Variants in FAM219A observed in about 807,000 individuals in gnomAD.
FAM219A encodes the protein protein FAM219A.
In FAM219A, 7 loss-of-function variants were observed where a neutral mutation model predicts 23.4. That is an observed-to-expected ratio of 0.30 (90% CI 0.17 to 0.56). The LOEUF is 0.56. Among genes scored for constraint, FAM219A ranks in the 20% least tolerant of loss-of-function variants. The pLI, the probability that FAM219A is intolerant of heterozygous loss-of-function variation, is 0.92. For synonymous variants in FAM219A, 93 were observed against 99.0 expected (o/e 0.94, Z 0.36); for missense variants, 166 against 246.9 (o/e 0.67, Z 2.20).
At chr9:34,406,543 C>T (rs1821642467) in intron 1 of FAM219A, 6 of 954,900 alleles carry the variant, frequency 6.3e-6, no homozygotes, top group Non-Finnish European at 5.0e-6. Flanking sequence ...TCACAAATGA[C>T]ACCTAAAGAG....
At chr9:34,436,148 C>T (rs1225811396) in intron 1 of FAM219A, among the ~76,000 whole-genome samples, 2 of 151,748 alleles carry the variant, frequency 1.3e-5, no homozygotes, top group East Asian at 1.9e-4. Flanking sequence ...TATAATGTTG[C>T]AGCTACTAAT....
chr9:34,406,090 G>T, intron 1 of FAM219A, 126 bp from the exon 2 acceptor site: 3 of 1,040,478 alleles, frequency 2.9e-6, no homozygotes, highest in South Asian at 1.7e-5. Flanking sequence ...CTCAGAGCAG[G>T]CAGGGCATTC....
intron 5 of FAM219A, 82 bp from the exon 6 acceptor site, chr9:34,401,204 C>T (rs550685670): frequency 2.1e-5 from 31 of 1,512,016 alleles, no homozygotes; most frequent in South Asian, 3.6e-5. Context: ...AGGCCGTCTG[C>T]GCCCCAGTCC....
chr9:34,407,172 G>A (rs781203517), intron 1 of FAM219A, among the ~76,000 whole-genome samples: 11 of 152,018 alleles, frequency 7.2e-5, no homozygotes, highest in Non-Finnish European at 1.5e-4. Context: ...GGCCGTGCAA[G>A]TGGCTGAAGT....
intron 1 of FAM219A, among the ~76,000 whole-genome samples, chr9:34,442,105 C>T (rs996426912): frequency 6.6e-6 from 1 of 152,206 alleles, no homozygotes; most frequent in African/African-American, 2.4e-5. Context: ...AATACATACA[C>T]ATCACACCTC....
chr9:34,421,212 C>A (rs1220328740), intron 1 of FAM219A, among the ~76,000 whole-genome samples: 1 of 151,686 alleles, frequency 6.6e-6, no homozygotes, highest in African/African-American at 2.4e-5. Context: ...GGAGGGTTAA[C>A]CCTACTTATG....
chr9:34,435,848 C>T (rs1822888451), intron 1 of FAM219A, among the ~76,000 whole-genome samples: 1 of 152,062 alleles, frequency 6.6e-6, no homozygotes, highest in Non-Finnish European at 1.5e-5. Flanking sequence ...CTGTATCACC[C>T]AGGCTGGAGT....
intron 1 of FAM219A, among the ~76,000 whole-genome samples, chr9:34,454,021 T>C (rs1243844967): frequency 1.3e-5 from 2 of 152,350 alleles, no homozygotes; most frequent in East Asian, 3.9e-4. Flanking sequence ...AAAATGTGCC[T>C]ATCCCTGGCA....
intron 1 of FAM219A, among the ~76,000 whole-genome samples, chr9:34,446,750 A>G (rs1044376289): frequency 6.6e-6 from 1 of 152,246 alleles, no homozygotes; most frequent in Non-Finnish European, 1.5e-5. Context: ...TTCATAGGCC[A>G]AACAGCTCAG....
intron 1 of FAM219A, among the ~76,000 whole-genome samples, chr9:34,445,575 A>C (rs1823338595): frequency 6.6e-6 from 1 of 152,210 alleles, no homozygotes; most frequent in Non-Finnish European, 1.5e-5. Context: ...GGCTGGACTT[A>C]CTAGAAAGAA....
chr9:34,402,874 C>T (rs1821501553), intron 2 of FAM219A, 67 bp from the exon 3 acceptor site: 2 of 1,468,710 alleles, frequency 1.4e-6, no homozygotes, highest in Non-Finnish European at 1.9e-6. Flanking sequence ...CTACTCAGGG[C>T]AGCCTGGGCT....
At chr9:34,433,623 C>A (rs1192111537) in intron 1 of FAM219A, among the ~76,000 whole-genome samples, 1 of 152,192 alleles carries the variant, frequency 6.6e-6, no homozygotes, top group Admixed American at 6.5e-5. Flanking sequence ...GTTTTAAAAA[C>A]ATGACCCCAG....
intron 1 of FAM219A, among the ~76,000 whole-genome samples, chr9:34,446,172 C>CAAAAA (rs11352681): frequency 9.3e-6 from 1 of 107,976 alleles, no homozygotes. Context: ...GACTCTGTCT[C>CAAAAA]AAAAAAAAAA....
chr9:34,416,220 A>AAAGT, intron 1 of FAM219A, among the ~76,000 whole-genome samples: 1 of 135,868 alleles, frequency 7.4e-6, no homozygotes, highest in South Asian at 2.6e-4. Flanking sequence ...AGAAAGAAAG[A>AAAGT]AAGAAAGAAA....
At chr9:34,402,311 G>A (rs2131923461) in intron 4 of FAM219A, 76 bp downstream of exon 4, 2 of 1,614,050 alleles carry the variant, frequency 1.2e-6, no homozygotes, top group Non-Finnish European at 1.7e-6. Flanking sequence ...AATATAGCAG[G>A]TGTGGCCTGT....
intron 4 of FAM219A, 112 bp downstream of exon 4, chr9:34,402,275 T>C (rs1821471264): frequency 1.2e-6 from 2 of 1,613,952 alleles, no homozygotes; most frequent in Non-Finnish European, 1.7e-6. Flanking sequence ...GGAGAGATTC[T>C]GGCTGAAGAA....
intron 1 of FAM219A, among the ~76,000 whole-genome samples, chr9:34,406,994 G>T (rs373194307): frequency 6.6e-6 from 1 of 151,952 alleles, no homozygotes; most frequent in Non-Finnish European, 1.5e-5. Flanking sequence ...GTAGAGACGG[G>T]GTTTCACCAT....
rs573361544 is a variant in FAM219A at position 34,447,193 on chromosome 9, T to A, written c.60+11011A>T. ...ATCCTCAGTGGACTCTTAACCTGTA[T>A]TGGCAGTAAGCCTAGCTCAAGATGT... On this transcript the variant is annotated intron_variant, in intron 1 of 5. Coordinates refer to ENST00000651358, the MANE Select transcript of FAM219A (RefSeq NM_001184940.2). Among the ~76,000 whole-genome samples, 5 of 152,364 alleles carry A rather than the reference T, an allele frequency of 3.3e-5. No homozygotes were observed. In the South Asian group the frequency reaches 8.3e-4, roughly 25 times the overall value.
chr9:34,443,052 T>C (rs1199129481), intron 1 of FAM219A, among the ~76,000 whole-genome samples: 1 of 152,174 alleles, frequency 6.6e-6, no homozygotes, highest in Non-Finnish European at 1.5e-5. Context: ...CTTGTGTTGA[T>C]AGCTGTTGAA....
Sources: gnomAD v4.1 joint callset for allele counts (sites outside exome capture counted in the v4.1 genomes callset) on GRCh38, gnomAD v4.1.1 for gene constraint, MANE v1.5 for transcripts, NCBI Gene and HGNC (gene_info 2026-07-23, HGNC 2026-07-21) for gene names.